EPHA6: variants seen among roughly 807,000 people sequenced by gnomAD.
EPHA6 encodes EPH receptor A6.
Under a neutral mutation model 112.0 loss-of-function variants are expected in EPHA6, and 50 were observed. The observed-to-expected ratio is 0.45, with a 90% CI of 0.36 to 0.56. The LOEUF (loss-of-function observed/expected upper bound fraction) is 0.56, where lower values mean the gene tolerates loss of function less well. Ranked by LOEUF, EPHA6 falls within the 20% of genes least tolerant of loss-of-function variation. The pLI is 0.00. For synonymous variants in EPHA6, 529 were observed against 490.7 expected, an observed-to-expected ratio of 1.08 and a Z score of -1.03; for missense variants, 1,280 against 1,417.4, an observed-to-expected ratio of 0.90 and a Z score of 1.56.
chr3:97,308,995 T>C (rs961734873), intron 5 of EPHA6, among the ~76,000 whole-genome samples: 1 of 151,768 alleles, frequency 6.6e-6, no homozygotes, highest in Non-Finnish European at 1.5e-5. Flanking sequence ...TTGCTTTTGT[T>C]ATTTTCTACA....
At chr3:97,612,658 CTT>C (rs1281274176) in intron 13 of EPHA6, among the ~76,000 whole-genome samples, 1 of 151,974 alleles carries the variant, frequency 6.6e-6, no homozygotes, top group Non-Finnish European at 1.5e-5. Flanking sequence ...TTTTTCAGCT[CTT>C]ATTATGTACT....
chr3:96,872,625 C>T (rs893340857), intron 2 of EPHA6, among the ~76,000 whole-genome samples: 4 of 152,056 alleles, frequency 2.6e-5, no homozygotes, highest in Admixed American at 2.6e-4. Context: ...TGGGCTTTAA[C>T]AAATCTCTAA....
intron 2 of EPHA6, among the ~76,000 whole-genome samples, chr3:96,974,884 G>C (rs1415000642): frequency 6.6e-6 from 1 of 152,072 alleles, no homozygotes; most frequent in Non-Finnish European, 1.5e-5. Flanking sequence ...AGTCAGTGTG[G>C]TCATAGGAGG....
intron 1 of EPHA6, among the ~76,000 whole-genome samples, chr3:96,830,376 T>G (rs1185487935): frequency 6.6e-6 from 1 of 152,136 alleles, no homozygotes; most frequent in Admixed American, 6.6e-5. Flanking sequence ...AAAAAGAAAA[T>G]ACCAAATACT....
intron 6 of EPHA6, among the ~76,000 whole-genome samples, chr3:97,407,921 TATAAC>T (rs1373189402): frequency 6.6e-6 from 1 of 152,064 alleles, no homozygotes; most frequent in Non-Finnish European, 1.5e-5. Context: ...TTTGTGATGC[TATAAC>T]ATAATATCTG....
intron 11 of EPHA6, among the ~76,000 whole-genome samples, chr3:97,587,412 C>T (rs2093500689): frequency 6.6e-6 from 1 of 151,808 alleles, no homozygotes; most frequent in Non-Finnish European, 1.5e-5. Context: ...TTGTTTTATG[C>T]TTATTATAAA....
intron 16 of EPHA6, among the ~76,000 whole-genome samples, chr3:97,736,365 T>C (rs1390441081): frequency 1.3e-5 from 2 of 151,998 alleles, no homozygotes; most frequent in Non-Finnish European, 2.9e-5. Context: ...TCTGAATTAC[T>C]TTGTTTTTAT....
chr3:97,378,809 C>G (rs916238868), intron 5 of EPHA6, among the ~76,000 whole-genome samples: 1 of 151,758 alleles, frequency 6.6e-6, no homozygotes, highest in African/African-American at 2.4e-5. Flanking sequence ...ACTTGTACCC[C>G]CATTGTATCT....
intron 3 of EPHA6, among the ~76,000 whole-genome samples, chr3:97,125,632 A>C (rs886138420): frequency 3.3e-5 from 5 of 152,158 alleles, no homozygotes; most frequent in African/African-American, 1.2e-4. Flanking sequence ...TTACCAGGTT[A>C]TTCTCTCCTT....
At chr3:97,286,069 T>G (rs1359435098) in intron 5 of EPHA6, among the ~76,000 whole-genome samples, 1 of 152,186 alleles carries the variant, frequency 6.6e-6, no homozygotes, top group Non-Finnish European at 1.5e-5. Context: ...TGGTCCCTTT[T>G]GAATGAGATA....
chr3:96,883,360 C>G (rs1346726784), intron 2 of EPHA6, among the ~76,000 whole-genome samples: 3 of 152,098 alleles, frequency 2.0e-5, no homozygotes, highest in African/African-American at 4.8e-5. Context: ...TTCTTCCAGT[C>G]TGTAGGTTGT....
At chr3:96,970,268 AAC>A (rs922215101) in intron 2 of EPHA6, among the ~76,000 whole-genome samples, 14 of 120,896 alleles carry the variant, frequency 1.2e-4, no homozygotes, top group East Asian at 4.6e-4. Context: ...CACACACACA[AAC>A]ACACACACAC....
intron 3 of EPHA6, among the ~76,000 whole-genome samples, chr3:97,023,496 A>G (rs1234492133): frequency 6.6e-6 from 1 of 151,948 alleles, no homozygotes; most frequent in Non-Finnish European, 1.5e-5. Flanking sequence ...TTTTATCTTT[A>G]TAATTTACCT....
chr3:97,687,369 A>C (rs866200874), intron 14 of EPHA6, among the ~76,000 whole-genome samples: 2 of 152,188 alleles, frequency 1.3e-5, no homozygotes, highest in African/African-American at 2.4e-5. Context: ...ATTTTTTAAC[A>C]TACTATTGGA....
chr3:97,649,400 T>TGGGTGGGGACACAGCCAAACCATATG (rs2094091306), intron 14 of EPHA6, among the ~76,000 whole-genome samples: 2 of 152,062 alleles, frequency 1.3e-5, no homozygotes, highest in Non-Finnish European at 2.9e-5. Context: ...GGGTGAGATT[T>TGGGTGGGGACACAGCCAAACCATATG]GGGTGGGGAC....
At chr3:97,541,550 G>A (rs1301055423) in intron 11 of EPHA6, among the ~76,000 whole-genome samples, 1 of 151,930 alleles carries the variant, frequency 6.6e-6, no homozygotes, top group Non-Finnish European at 1.5e-5. Flanking sequence ...CGCTGCTCCA[G>A]GATCCAGTCC....
intron 3 of EPHA6, among the ~76,000 whole-genome samples, chr3:97,057,747 G>A (rs2045896362): frequency 6.6e-6 from 1 of 152,164 alleles, no homozygotes; most frequent in African/African-American, 2.4e-5. Flanking sequence ...CTTTATAGCT[G>A]AGCTAGATAT....
chr3:96,904,278 T>C (rs1467124611), intron 2 of EPHA6, among the ~76,000 whole-genome samples: 1 of 151,814 alleles, frequency 6.6e-6, no homozygotes, highest in East Asian at 1.9e-4. Flanking sequence ...TATGCAGTGA[T>C]AAAAAATGAT....
intron 14 of EPHA6, among the ~76,000 whole-genome samples, chr3:97,640,548 A>T (rs1389897152): frequency 3.3e-5 from 5 of 152,050 alleles, no homozygotes; most frequent in Non-Finnish European, 7.4e-5. Context: ...AGGGGAGCGG[A>T]TCACCTGAGG....
Sources: allele counts gnomAD v4.1 joint callset (sites outside exome capture counted in the v4.1 genomes callset), GRCh38; gene constraint gnomAD v4.1.1; transcripts MANE v1.5; gene names NCBI Gene and HGNC (gene_info 2026-07-23, HGNC 2026-07-21).